The following CRTC1 variants were observed in gnomAD, a reference collection of about 807,000 sequenced individuals.
The protein encoded by CRTC1 is CREB regulated transcription coactivator 1.
Under a neutral mutation model 66.1 loss-of-function variants are expected in CRTC1, and 18 were observed. The ratio of observed to expected loss-of-function variants is 0.27; its 90% CI spans 0.19 to 0.40. The LOEUF (loss-of-function observed/expected upper bound fraction) is 0.40, where lower values mean the gene tolerates loss of function less well. Ranked by LOEUF, CRTC1 falls within the 10% of genes least tolerant of loss-of-function variation. The pLI is 1.00. For missense variants in CRTC1, 669 were observed against 887.9 expected (o/e 0.75, Z 3.13); for synonymous variants, 416 against 398.8 (o/e 1.04, Z -0.51).
chr19:18,717,067 G>C (rs1162832344), intron 1 of CRTC1, among the ~76,000 whole-genome samples: 1 of 152,204 alleles, frequency 6.6e-6, no homozygotes, highest in Admixed American at 6.5e-5. Context: ...ATGTGACTAT[G>C]TGCATTGCTG....
chr19:18,699,018 C>T (rs1430015528), intron 1 of CRTC1, among the ~76,000 whole-genome samples: 1 of 152,010 alleles, frequency 6.6e-6, no homozygotes, highest in Non-Finnish European at 1.5e-5. Context: ...AGCAGGTGCA[C>T]AGTGTGTATT....
chr19:18,760,345 T>TG lies in CRTC1; in HGVS notation c.886+123dup. On this transcript the variant is annotated intron_variant, in intron 8 of 13. Coordinates refer to ENST00000321949, the MANE Select transcript of CRTC1 (RefSeq NM_015321.3). The surrounding 1 kb of genome is among the most constrained non-coding windows in gnomAD (Gnocchi z 6.2). ...AATACTAGGGCATGGGGGACAGGGC[T>TG]GGGGGGCGGCCGACAGGCTGACCCA... 1.1e-6 allele frequency: 1 copy of TG among 901,402 alleles called. No individual in the cohort carries two copies. The highest frequency in any genetic ancestry group is 1.7e-6 in the Non-Finnish European group (1 of 596,318). 55.8% of individuals were successfully genotyped at this position (901,402 alleles called of 1,614,324 possible).
intron 1 of CRTC1, among the ~76,000 whole-genome samples, chr19:18,734,969 G>A (rs2053966910): frequency 6.6e-6 from 1 of 152,158 alleles, no homozygotes; most frequent in African/African-American, 2.4e-5. Flanking sequence ...ATCGGTCAGG[G>A]GATGCTGGGC....
intron 1 of CRTC1, among the ~76,000 whole-genome samples, chr19:18,712,316 T>C (rs2053410112): frequency 6.6e-6 from 1 of 152,154 alleles, no homozygotes; most frequent in Non-Finnish European, 1.5e-5. Flanking sequence ...TGGAGTTCAG[T>C]GGCATGATGT....
chr19:18,702,170 G>A (rs932219317), intron 1 of CRTC1, among the ~76,000 whole-genome samples: 1 of 150,706 alleles, frequency 6.6e-6, no homozygotes, highest in Non-Finnish European at 1.5e-5. Context: ...TGATTTGCCC[G>A]CCTCAGCCTC....
intron 1 of CRTC1, among the ~76,000 whole-genome samples, chr19:18,734,665 A>G (rs1444223117): frequency 6.6e-6 from 1 of 152,218 alleles, no homozygotes; most frequent in Non-Finnish European, 1.5e-5. Flanking sequence ...GCCACAGACA[A>G]AGACCCTGTC....
At chr19:18,729,135 G>T (rs2053828290) in intron 1 of CRTC1, among the ~76,000 whole-genome samples, 1 of 146,082 alleles carries the variant, frequency 6.8e-6, no homozygotes, top group Non-Finnish European at 1.5e-5. Context: ...TTAGAAGTTG[G>T]TTCAGGCTGG....
At chr19:18,766,882 C>T (rs2054748798) in intron 9 of CRTC1, among the ~76,000 whole-genome samples, 1 of 152,208 alleles carries the variant, frequency 6.6e-6, no homozygotes, top group Non-Finnish European at 1.5e-5. Flanking sequence ...GTTCACTTCT[C>T]TTCTATTTTT....
chr19:18,742,425 G>A (rs1295128033), intron 1 of CRTC1, among the ~76,000 whole-genome samples: 1 of 152,174 alleles, frequency 6.6e-6, no homozygotes, highest in Non-Finnish European at 1.5e-5. Context: ...GGCTGCCGTC[G>A]GGATCACAAG....
At chr19:18,709,049 G>A (rs1329278324) in intron 1 of CRTC1, among the ~76,000 whole-genome samples, 1 of 152,200 alleles carries the variant, frequency 6.6e-6, no homozygotes, top group African/African-American at 2.4e-5. Context: ...CCTCCTCTGA[G>A]CCCGCATGGT....
intron 1 of CRTC1, among the ~76,000 whole-genome samples, chr19:18,711,153 T>C (rs1271663871): frequency 6.6e-6 from 1 of 152,140 alleles, no homozygotes; most frequent in East Asian, 1.9e-4. Context: ...ACATGCGGCA[T>C]CCTAGCACTG....
rs2055049721 is a variant in CRTC1, at chr19:18,778,870, G to GGGCA, written c.*1490_*1493dup. On this transcript the variant is annotated 3_prime_UTR_variant, in exon 14 of 14. Coordinates refer to ENST00000321949, the MANE Select transcript of CRTC1 (RefSeq NM_015321.3). ...GCTCCTAGCCCACACCCCCTCTCTT[G>GGGCA]GGCAGCGTGGTCTGCTGGCTGCCCC... 4.3e-6 allele frequency: 1 copy of GGGCA among 231,396 alleles called. No homozygotes were observed. The highest frequency in any genetic ancestry group is 5.6e-5 in the Admixed American group (1 of 17,734). 14.3% of individuals were successfully genotyped at this position (231,396 alleles called of 1,614,324 possible). A position where few individuals can be genotyped will look rare whatever the true frequency, so the allele number is the denominator to read the frequency against.
At position 18,697,986 on chromosome 19, in the gene CRTC1, A is replaced by G. The variant is rs146801536; in HGVS notation, c.126+14158A>G. On this transcript the variant is annotated intron_variant, in intron 1 of 13. Transcript: ENST00000321949. Reference sequence around the variant, plus strand: ...AGCTGGTGTTCAACAGGCTAATGGTATGTACTCAGCTGGTGCTCAGCAGGC... The same window carrying G: ...AGCTGGTGTTCAACAGGCTAATGGTGTGTACTCAGCTGGTGCTCAGCAGGC... Among the ~76,000 whole-genome samples, 4 of 148,062 alleles carry G rather than the reference A, an allele frequency of 2.7e-5. No individual in the cohort carries two copies. In the East Asian group the frequency reaches 6.1e-4, roughly 23 times the overall value.
intron 1 of CRTC1, among the ~76,000 whole-genome samples, chr19:18,694,488 A>G (rs978766469): frequency 4.6e-5 from 7 of 152,242 alleles, no homozygotes; most frequent in Middle Eastern, 3.4e-3. Flanking sequence ...AGTCCCATGC[A>G]ACAGAGATCA....
At chr19:18,736,172 G>A (rs1002456273) in intron 1 of CRTC1, among the ~76,000 whole-genome samples, 8 of 152,204 alleles carry the variant, frequency 5.3e-5, no homozygotes, top group African/African-American at 1.9e-4. Context: ...ACACATCCCC[G>A]CCTGCGGCTG....
chr19:18,740,252 TA>T (rs56087710), intron 1 of CRTC1, among the ~76,000 whole-genome samples: 405 of 139,334 alleles, frequency 2.9e-3, no homozygotes, highest in Non-Finnish European at 2.5e-3. Flanking sequence ...GACTCCATCT[TA>T]AAAAAAAAAA....
intron 1 of CRTC1, among the ~76,000 whole-genome samples, chr19:18,737,896 T>A (rs1230030012): frequency 6.6e-6 from 1 of 152,192 alleles, no homozygotes; most frequent in South Asian, 2.1e-4. Context: ...ATCATTTTCT[T>A]TTCTTTAGCT....
intron 1 of CRTC1, among the ~76,000 whole-genome samples, chr19:18,711,637 C>A (rs966116183): frequency 7.2e-5 from 11 of 152,226 alleles, no homozygotes; most frequent in Non-Finnish European, 5.9e-5. Context: ...GCCTGAGGGC[C>A]TCTGGGCTGT....
chr19:18,754,093 T>G (rs1600949668), intron 6 of CRTC1, among the ~76,000 whole-genome samples: 1 of 124,500 alleles, frequency 8.0e-6, no homozygotes, highest in African/African-American at 3.1e-5. Flanking sequence ...AGAGCAAGAC[T>G]CCATCTCAAA....
Sources: allele counts gnomAD v4.1 joint callset (sites outside exome capture counted in the v4.1 genomes callset), GRCh38; gene constraint gnomAD v4.1.1; non-coding constraint Gnocchi (gnomAD v3.1); transcripts MANE v1.5; gene names NCBI Gene and HGNC (gene_info 2026-07-23, HGNC 2026-07-21).